Variants in ATP8A2 observed in about 807,000 individuals in gnomAD.
The protein encoded by ATP8A2 is ATPase phospholipid transporting 8A2, also known as phospholipid-transporting ATPase IB.
Under a neutral mutation model 165.6 loss-of-function variants are expected in ATP8A2, and 100 were observed. That is an observed-to-expected ratio of 0.60 (90% confidence interval 0.51 to 0.71). ATP8A2 has a LOEUF of 0.71. Ranked by LOEUF, ATP8A2 falls within the 30% of genes least tolerant of loss-of-function variation. The pLI, the probability that ATP8A2 is intolerant of heterozygous loss-of-function variation, is 0.00. For synonymous variants in ATP8A2, 543 were observed against 548.8 expected (o/e 0.99, Z 0.15); for missense variants, 1,227 against 1,479.5 (o/e 0.83, Z 2.80).
At chr13:25,738,337 C>T (rs1268260015) in intron 25 of ATP8A2, among the ~76,000 whole-genome samples, 34 of 61,968 alleles carry the variant, frequency 5.5e-4, no homozygotes, top group East Asian at 2.2e-3. Flanking sequence ...TTTTGTGCCC[C>T]CCTCCCCCCC....
At chr13:25,654,219 G>A (rs1033255208) in intron 24 of ATP8A2, among the ~76,000 whole-genome samples, 3 of 78,306 alleles carry the variant, frequency 3.8e-5, no homozygotes, top group African/African-American at 1.4e-4. Flanking sequence ...TTATTTTTTG[G>A]TTTTTAGACA....
intron 1 of ATP8A2, among the ~76,000 whole-genome samples, chr13:25,390,424 A>T (rs184674685): frequency 6.6e-6 from 1 of 152,178 alleles, no homozygotes; most frequent in Non-Finnish European, 1.5e-5. Context: ...TCACAAATAC[A>T]TAGCTGTGTA....
intron 21 of ATP8A2, 68 bp downstream of exon 21, chr13:25,578,967 T>C (rs2039694190): frequency 1.9e-6 from 2 of 1,073,480 alleles, no homozygotes; most frequent in Non-Finnish European, 2.9e-6. Context: ...TGTCTTGATT[T>C]CCAGGGGCAC....
chr13:25,375,323 G>A (rs1440232470), intron 1 of ATP8A2, among the ~76,000 whole-genome samples: 1 of 152,218 alleles, frequency 6.6e-6, no homozygotes, highest in Non-Finnish European at 1.5e-5. Flanking sequence ...GTGCACGTGG[G>A]AAGAGCTCTC....
At chr13:25,482,514 G>T (rs2036234947) in intron 2 of ATP8A2, among the ~76,000 whole-genome samples, 1 of 152,100 alleles carries the variant, frequency 6.6e-6, no homozygotes, top group Non-Finnish European at 1.5e-5. Flanking sequence ...CCAGACATGG[G>T]GAACCCCATG....
At chr13:25,773,283 T>C (rs1053086100) in intron 26 of ATP8A2, among the ~76,000 whole-genome samples, 8 of 152,152 alleles carry the variant, frequency 5.3e-5, no homozygotes, top group African/African-American at 1.7e-4. Flanking sequence ...GTGTAAGGCA[T>C]ATCAAATGTG....
At chr13:25,567,463 T>G (rs1421136740) in intron 16 of ATP8A2, 1 of 450,832 alleles carries the variant, frequency 2.2e-6, no homozygotes, top group Non-Finnish European at 4.5e-6. Context: ...GCCAAATTTC[T>G]TTTTAGTTTA....
At chr13:25,585,547 T>C (rs1022185849) in intron 23 of ATP8A2, among the ~76,000 whole-genome samples, 1 of 152,186 alleles carries the variant, frequency 6.6e-6, no homozygotes, top group Non-Finnish European at 1.5e-5. Flanking sequence ...TACCCATCAT[T>C]TGATACTTTT....
chr13:25,486,202 A>AT (rs541763175), intron 2 of ATP8A2, among the ~76,000 whole-genome samples: 82 of 151,948 alleles, frequency 5.4e-4, no homozygotes, highest in African/African-American at 1.5e-3. Context: ...TATTCCAAAT[A>AT]TTTTTTTTAT....
chr13:25,920,067 T>C (rs1954402688), intron 33 of ATP8A2, among the ~76,000 whole-genome samples: 1 of 152,144 alleles, frequency 6.6e-6, no homozygotes, highest in Non-Finnish European at 1.5e-5. Context: ...GGACTACAGG[T>C]GTGAACCACT....
chr13:25,696,258 C>A (rs969955786), intron 24 of ATP8A2, among the ~76,000 whole-genome samples: 32 of 151,828 alleles, frequency 2.1e-4, no homozygotes, highest in Admixed American at 4.6e-4. Context: ...CTTTGTTTTT[C>A]CATTTCTAAG....
chr13:25,636,842 C>T (rs1593700980), intron 24 of ATP8A2, among the ~76,000 whole-genome samples: 1 of 151,906 alleles, frequency 6.6e-6, no homozygotes, highest in Non-Finnish European at 1.5e-5. Flanking sequence ...CCTGTGATCC[C>T]AATACTTTGG....
chr13:25,743,443 A>C (rs1483179267), intron 25 of ATP8A2, among the ~76,000 whole-genome samples: 1 of 150,828 alleles, frequency 6.6e-6, no homozygotes, highest in Non-Finnish European at 1.5e-5. Flanking sequence ...ATACAAGGGG[A>C]GATGTTAGCA....
At chr13:25,851,537 C>A (rs899118802) in intron 30 of ATP8A2, among the ~76,000 whole-genome samples, 1 of 151,050 alleles carries the variant, frequency 6.6e-6, no homozygotes, top group African/African-American at 2.4e-5. Context: ...AAGCTGAGAT[C>A]GCGCCACTGC....
At chr13:25,699,396 C>T (rs758891663) in intron 25 of ATP8A2, 51 bp downstream of exon 25, 29 of 1,374,346 alleles carry the variant, frequency 2.1e-5, no homozygotes, top group Middle Eastern at 3.8e-4. Flanking sequence ...GTCTGTATCC[C>T]GTGCTTATAC....
chr13:25,425,631 A>G (rs7330048), intron 1 of ATP8A2, among the ~76,000 whole-genome samples: 53,112 of 135,482 alleles, frequency 0.39, 12,727 homozygotes, highest in East Asian at 0.59. Context: ...CTGGAGTGCA[A>G]TGGCACAATC....
chr13:25,773,266 A>G (rs10492426), intron 26 of ATP8A2, among the ~76,000 whole-genome samples: 9,118 of 152,216 alleles, frequency 0.06, 690 homozygotes, highest in African/African-American at 0.15. Flanking sequence ...GAGGGAACTC[A>G]AATCCAGTGT....
At chr13:25,661,765 C>T (rs1397337393) in intron 24 of ATP8A2, among the ~76,000 whole-genome samples, 2 of 152,236 alleles carry the variant, frequency 1.3e-5, no homozygotes, top group East Asian at 3.9e-4. Flanking sequence ...TGATTCAGCA[C>T]ATTCTTGGAG....
chr13:25,621,938 T>C (rs1443776103), intron 24 of ATP8A2, among the ~76,000 whole-genome samples: 1 of 152,080 alleles, frequency 6.6e-6, no homozygotes, highest in Admixed American at 6.6e-5. Flanking sequence ...TTTGGGAAGC[T>C]GAGGTGGGTG....
Sources: allele counts gnomAD v4.1 joint callset (sites outside exome capture counted in the v4.1 genomes callset), GRCh38; gene constraint gnomAD v4.1.1; transcripts MANE v1.5; gene names NCBI Gene and HGNC (gene_info 2026-07-23, HGNC 2026-07-21).